SLC19A1: variants seen among roughly 807,000 people sequenced by gnomAD.
The protein encoded by SLC19A1 is solute carrier family 19 member 1, also known as reduced folate transporter.
A neutral mutation model predicts 35.3 loss-of-function variants in SLC19A1; 37 were observed. The ratio of observed to expected loss-of-function variants is 1.05; its 90% confidence interval spans 0.81 to 1.38. The LOEUF is 1.38. Among genes scored for constraint, SLC19A1 ranks in the 40% most tolerant of loss-of-function variants. The pLI is 0.00. For synonymous variants in SLC19A1, 460 were observed against 398.5 expected (o/e 1.15, Z -1.84); for missense variants, 831 against 826.9 (o/e 1.00, Z -0.06).
At chr21:45,519,703 C>T (rs934125551) in intron 5 of SLC19A1, among the ~76,000 whole-genome samples, 2 of 151,440 alleles carry the variant, frequency 1.3e-5, no homozygotes, top group Admixed American at 1.3e-4. Context: ...GTGTATGCAA[C>T]AAACAAAAGA....
At chr21:45,529,861 C>A (rs2077798331) in intron 4 of SLC19A1, among the ~76,000 whole-genome samples, 1 of 139,856 alleles carries the variant, frequency 7.2e-6, no homozygotes, top group African/African-American at 2.7e-5. Flanking sequence ...CATGTGTAAG[C>A]ATATGGTGCA....
At chr21:45,552,225 C>A (rs541572883) in intron 1 of SLC19A1, among the ~76,000 whole-genome samples, 6 of 152,310 alleles carry the variant, frequency 3.9e-5, no homozygotes, top group Non-Finnish European at 5.9e-5. Context: ...AAAGAAGAGG[C>A]TGGGCTGCTG....
In SLC19A1 at chr21:45,515,164, A is replaced by T. The variant is rs1177393985; in HGVS notation, c.*494T>A. 9 of 48,560 alleles carry T rather than the reference A, an allele frequency of 1.9e-4. No individual in the cohort carries two copies. Among genetic ancestry groups the T allele is most frequent in the East Asian group, 1.0e-3 (1 of 968 alleles). The allele number at this position is 48,560 out of a possible 1,614,324, so 3.0% of individuals were successfully genotyped here. On this transcript the variant is annotated 3_prime_UTR_variant, in exon 6 of 6. Coordinates refer to ENST00000311124, the MANE Select transcript of SLC19A1 (RefSeq NM_194255.4). ...TGCAGTTCTTCATTCTACGTCAGTT[A>T]AAAAAAAAAAAAGCATCTTTCAAAA...
At chr21:45,523,538 G>A (rs9984419) in intron 5 of SLC19A1, among the ~76,000 whole-genome samples, 5,285 of 152,228 alleles carry the variant, frequency 0.035, 318 homozygotes, top group African/African-American at 0.12. Context: ...AGCCCCCATG[G>A]GCCCTTAGAA....
intron 1 of SLC19A1, among the ~76,000 whole-genome samples, chr21:45,556,910 T>C (rs1467871826): frequency 6.6e-6 from 1 of 151,746 alleles, no homozygotes; most frequent in Non-Finnish European, 1.5e-5. Flanking sequence ...CAGATGCATG[T>C]GTCACCTGGG....
chr21:45,526,585 A>AT (rs1002252476), intron 4 of SLC19A1, among the ~76,000 whole-genome samples: 25 of 151,492 alleles, frequency 1.7e-4, no homozygotes, highest in African/African-American at 4.6e-4. Context: ...ATTTTTTGTT[A>AT]TTTTTTTTTA....
At chr21:45,504,217 C>T (rs1458778889) in intron 3 of SLC19A1, 2 of 934,408 alleles carry the variant, frequency 2.1e-6, no homozygotes, top group Non-Finnish European at 3.4e-6. Context: ...CAGGATGTTC[C>T]TGTCCCCGGC....
downstream of SLC19A1, chr21:45,509,681 A>C: frequency 1.2e-6 from 1 of 834,450 alleles, no homozygotes; most frequent in Non-Finnish European, 2.0e-6. Context: ...GCCCCTGCAG[A>C]GCTGCTGGGG....
rs201753320 is a variant in SLC19A1 at position 45,504,020 on chromosome 21, C to G, written c.498-5408G>C. ...TGTCTCTCTCTTGCAGGGCAGTTTCCGTTTGACTTTCTTCAGTTGGAGGCT... is the reference window on the plus strand; with the variant it reads ...TGTCTCTCTCTTGCAGGGCAGTTTCGGTTTGACTTTCTTCAGTTGGAGGCT... On this transcript the variant is annotated intron_variant, in intron 3 of 4. Coordinates refer to the SLC19A1 transcript ENST00000417954. The G allele has an allele frequency of 1.2e-5, 20 of 1,613,514 alleles. 1 individual carries two copies. In the South Asian group the frequency reaches 2.2e-4, roughly 18 times the overall value.
In SLC19A1 at chr21:45,505,856, C is replaced by T. The variant is rs772808254; in HGVS notation, c.498-7244G>A. On this transcript the variant is annotated intron_variant, in intron 3 of 4. Transcript: ENST00000417954. ...CCAGCAGGTGAGGCTCTGGGCTACA[C>T]GCCAGGCCATGCTGGGCCAGGTGCA... 3.2e-5 allele frequency: 52 copies of T among 1,608,872 alleles called. No individual in the cohort carries two copies. The highest frequency in any genetic ancestry group is 1.7e-4 in the Middle Eastern group (1 of 5,938).
At chr21:45,520,038 TTAA>T (rs1272732519) in intron 5 of SLC19A1, among the ~76,000 whole-genome samples, 15 of 151,786 alleles carry the variant, frequency 9.9e-5, no homozygotes, top group African/African-American at 3.6e-4. Flanking sequence ...AAAAAAGAAA[TTAA>T]TAACAGAAAG....
At chr21:45,526,042 C>G in intron 4 of SLC19A1, 84 bp from the exon 5 acceptor site, 1 of 1,484,830 alleles carries the variant, frequency 6.7e-7, no homozygotes, top group Non-Finnish European at 9.2e-7. Flanking sequence ...CGGCTCCCAC[C>G]AGCCCATGAC....
Position 45,534,602 on chromosome 21 carries a change from C to A in SLC19A1, c.190-2454G>T, listed in dbSNP as rs1202624782. On this transcript the variant is annotated intron_variant, in intron 2 of 5. Transcript: ENST00000311124. The surrounding 1 kb of genome is among the most constrained non-coding windows in gnomAD (Gnocchi z 4.2). The stretch of plus-strand genomic sequence containing the variant: ...AGGAGCTGGCTCTGCAGGCTGGGGC[C>A]TCATCAGGCACCTCCTGGTCTTAGT... 2.0e-6 allele frequency: 3 copies of A among 1,535,570 alleles called. No homozygotes were observed. In the Admixed American group the frequency reaches 5.9e-5, roughly 30 times the overall value.
chr21:45,527,387 G>GT (rs2077668188), intron 4 of SLC19A1, among the ~76,000 whole-genome samples: 20 of 149,720 alleles, frequency 1.3e-4, no homozygotes, highest in Middle Eastern at 3.6e-3. Flanking sequence ...GTGAGTGGCA[G>GT]CAGGTTAGGA....
rs1383300914 is a variant in SLC19A1 at position 45,515,096 on chromosome 21, C to T, written c.*562G>A. 1.1e-5 allele frequency: 17 copies of T among 1,545,308 alleles called. No homozygotes were observed. Among genetic ancestry groups the T allele is most frequent in the East Asian group, 4.9e-5 (2 of 40,820 alleles). ...TCCCCTCTGATGACAATGTGTCTGC[C>T]GCCAACCTGAGATGGCTTTTCCACA... On this transcript the variant is annotated 3_prime_UTR_variant, in exon 6 of 6. Transcript: ENST00000311124.
At position 45,534,259 on chromosome 21, in the gene SLC19A1, G is replaced by C. The variant is rs542549603; in HGVS notation, c.190-2111C>G. ...GGCAAGCTCTCCTGGCTGATGGCCT[G>C]CTCGACTGGGGGAGGCTCCTCCTCA... On this transcript the variant is annotated intron_variant, in intron 2 of 5. Coordinates refer to ENST00000311124, the MANE Select transcript of SLC19A1 (RefSeq NM_194255.4). The surrounding 1 kb of genome is among the most constrained non-coding windows in gnomAD (Gnocchi z 4.2). Among the ~76,000 whole-genome samples, 12 of 152,268 alleles carry C rather than the reference G, an allele frequency of 7.9e-5. No individual in the cohort carries two copies. In the South Asian group the frequency reaches 2.5e-3, roughly 32 times the overall value.
At position 45,520,991 on chromosome 21, in the gene SLC19A1, G is replaced by A. The variant is rs55897290; in HGVS notation, c.1293+4826C>T. ...GCTGAGATTGCGCCATTGCACTCCA[G>A]CCTGGGCAACAAGAGCGAAACTCCA... On this transcript the variant is annotated intron_variant, in intron 5 of 5. Transcript: ENST00000311124. Among the ~76,000 whole-genome samples, 698 of 148,740 alleles carry A rather than the reference G, an allele frequency of 4.7e-3. 4 individuals carry two copies. The highest frequency in any genetic ancestry group is 0.017 in the African/African-American group (674 of 40,038).
rs2078466422 is a variant in SLC19A1, at chr21:45,551,532, C to G, written c.-50+11210G>C. Among the ~76,000 whole-genome samples, 3 of 152,314 alleles carry G rather than the reference C, an allele frequency of 2.0e-5. No homozygotes were observed. In the South Asian group the frequency reaches 6.2e-4, roughly 32 times the overall value. On this transcript the variant is annotated intron_variant, in intron 1 of 5. Coordinates refer to the SLC19A1 transcript ENST00000650808. Reference sequence around the variant, plus strand: ...GGACGTGATTTTTGCTTGATTTCCTCTTGGACTCATGACTCATTACAGAGA... The same window carrying G: ...GGACGTGATTTTTGCTTGATTTCCTGTTGGACTCATGACTCATTACAGAGA...
downstream of SLC19A1, among the ~76,000 whole-genome samples, chr21:45,511,981 G>A (rs2037637868): frequency 6.6e-6 from 1 of 152,150 alleles, no homozygotes; most frequent in Admixed American, 6.5e-5. Flanking sequence ...TCTGGCAGAA[G>A]CAGCATGGGG....
Sources: allele counts gnomAD v4.1 joint callset (sites outside exome capture counted in the v4.1 genomes callset), GRCh38; gene constraint gnomAD v4.1.1; non-coding constraint Gnocchi (gnomAD v3.1); transcripts MANE v1.5; gene names NCBI Gene and HGNC (gene_info 2026-07-23, HGNC 2026-07-21).